The following FRMPD4 variants were observed in gnomAD, a reference collection of about 807,000 sequenced individuals.
FRMPD4 encodes FERM and PDZ domain-containing protein 4.
In FRMPD4, 22 loss-of-function variants were observed where a neutral mutation model predicts 94.1. The observed-to-expected ratio is 0.23, with a 90% CI of 0.17 to 0.33. The LOEUF (loss-of-function observed/expected upper bound fraction) is 0.33, where lower values mean the gene tolerates loss of function less well. FRMPD4 is among the 10% of genes least tolerant of loss of function. FRMPD4 has a pLI of 1.00. For synonymous variants in FRMPD4, 631 were observed against 548.6 expected (o/e 1.15, Z -2.10); for missense variants, 1,111 against 1,339.9 (o/e 0.83, Z 2.67).
chrX:12,542,257 A>G (rs377641843), intron 2 of FRMPD4, among the ~76,000 whole-genome samples: 1 of 111,991 alleles, frequency 8.9e-6, no homozygotes, highest in South Asian at 3.7e-4. Context: ...GGCAGCAGAA[A>G]GAAATAAAGG....
At chrX:12,025,529 C>T (rs1000121970) in intron 3 of FRMPD4, among the ~76,000 whole-genome samples, 3 of 112,027 alleles carry the variant, frequency 2.7e-5, no homozygotes, top group African/African-American at 6.5e-5. Context: ...CCCTTGTGTA[C>T]AGACTGGACT....
chrX:12,155,581 CAAAAAAAAAAAAAAA>C, intron 1 of FRMPD4, among the ~76,000 whole-genome samples: 1 of 21,920 alleles, frequency 4.6e-5, no homozygotes, highest in South Asian at 4.3e-3. Flanking sequence ...CATATCCTCA[CAAAAAAAAAAAAAAA>C]AAAAAAAAAA....
chrX:12,040,892 T>C (rs2054751108), intron 3 of FRMPD4, among the ~76,000 whole-genome samples: 2 of 110,989 alleles, frequency 1.8e-5, no homozygotes, highest in South Asian at 7.6e-4. Flanking sequence ...CCTCTATTGC[T>C]CCTTTACTGC....
At chrX:12,543,789 T>G (rs1407555160) in intron 2 of FRMPD4, among the ~76,000 whole-genome samples, 1 of 109,238 alleles carries the variant, frequency 9.2e-6, no homozygotes, top group East Asian at 2.8e-4. Context: ...CATGCACACG[T>G]ATGTTTATTG....
chrX:12,552,503 A>T (rs920083406), intron 2 of FRMPD4, among the ~76,000 whole-genome samples: 1 of 111,891 alleles, frequency 8.9e-6, no homozygotes, highest in Non-Finnish European at 1.9e-5. Flanking sequence ...AAATGGTTAA[A>T]TATATTTTGC....
At chrX:12,401,426 G>A (rs2056607454) in intron 1 of FRMPD4, among the ~76,000 whole-genome samples, 1 of 110,740 alleles carries the variant, frequency 9.0e-6, no homozygotes, top group Non-Finnish European at 1.9e-5. Context: ...GCTCTTGGAA[G>A]GTTGAGTGAG....
At chrX:11,929,984 T>C (rs1207293328) in intron 3 of FRMPD4, among the ~76,000 whole-genome samples, 1 of 107,019 alleles carries the variant, frequency 9.3e-6, no homozygotes, top group African/African-American at 3.4e-5. Flanking sequence ...GGCATGTGCC[T>C]GTAGTCCCAG....
chrX:12,641,842 G>A (rs1025976037), intron 4 of FRMPD4, among the ~76,000 whole-genome samples: 1 of 112,386 alleles, frequency 8.9e-6, no homozygotes, highest in African/African-American at 3.2e-5. Flanking sequence ...CTAGGGTGAT[G>A]GATCACCAGC....
intron 1 of FRMPD4, among the ~76,000 whole-genome samples, chrX:12,397,898 C>T (rs901319708): frequency 1.8e-5 from 2 of 111,299 alleles, no homozygotes; most frequent in East Asian, 2.8e-4. Flanking sequence ...TCTGCTACAT[C>T]CCCAGGAACT....
Position 12,334,761 on chromosome X carries a change from G to A in FRMPD4, c.42-163919G>A, listed in dbSNP as rs748314816. 2.7e-5 allele frequency among the ~76,000 whole-genome samples: 3 copies of A among 111,535 alleles called. No individual in the cohort carries two copies. The South Asian group carries it at 1.1e-3, about 43-fold the overall frequency. ...TATGTGCCCACTGTACTGTGAGAATGGATGAGACATAGGACCTGCCCCAAG... is the reference window on the plus strand; with the variant it reads ...TATGTGCCCACTGTACTGTGAGAATAGATGAGACATAGGACCTGCCCCAAG... On this transcript the variant is annotated intron_variant, in intron 1 of 16. Transcript: ENST00000675598.
intron 1 of FRMPD4, among the ~76,000 whole-genome samples, chrX:11,850,023 A>G (rs1405280189): frequency 2.7e-5 from 3 of 112,238 alleles, no homozygotes; most frequent in Non-Finnish European, 3.8e-5. Flanking sequence ...TTTTCAAATC[A>G]TATATCTGAT....
At chrX:11,830,569 A>T (rs1423982300) in intron 1 of FRMPD4, among the ~76,000 whole-genome samples, 2 of 112,136 alleles carry the variant, frequency 1.8e-5, no homozygotes, top group African/African-American at 6.5e-5. Context: ...CCTAATTTAC[A>T]TCTACTCATT....
At position 12,468,357 on chromosome X, in the gene FRMPD4, GAGA is replaced by G. The variant is rs2057471544; in HGVS notation, c.42-30322_42-30320del. 7.1e-5 allele frequency among the ~76,000 whole-genome samples: 8 copies of G among 112,076 alleles called. No homozygotes were observed. In the South Asian group the frequency reaches 1.9e-3, roughly 26 times the overall value. ...AAGTATTTTTGAAGAGAACACAAAA[GAGA>G]TACCATGCAAAGGCAGCAAAAACTA... On this transcript the variant is annotated intron_variant, in intron 1 of 16. Transcript: ENST00000675598.
chrX:12,164,922 T>G (rs1484125272), intron 1 of FRMPD4, among the ~76,000 whole-genome samples: 2 of 112,478 alleles, frequency 1.8e-5, no homozygotes, highest in Non-Finnish European at 3.8e-5. Context: ...TAAATTTGTT[T>G]AAGTTCTTTG....
chrX:11,836,156 G>C (rs906893941), intron 1 of FRMPD4, among the ~76,000 whole-genome samples: 1 of 111,238 alleles, frequency 9.0e-6, no homozygotes, highest in Admixed American at 9.6e-5. Flanking sequence ...TTTCCTCTTG[G>C]TGATTGCTGT....
chrX:12,305,447 A>C (rs899140939), intron 1 of FRMPD4, among the ~76,000 whole-genome samples: 1 of 111,846 alleles, frequency 8.9e-6, no homozygotes, highest in Non-Finnish European at 1.9e-5. Flanking sequence ...TTGTCCCTAG[A>C]TGGCAAAGGT....
intron 1 of FRMPD4, among the ~76,000 whole-genome samples, chrX:12,270,723 C>A (rs1322450509): frequency 9.0e-6 from 1 of 111,639 alleles, no homozygotes; most frequent in African/African-American, 3.3e-5. Flanking sequence ...ATCGTATTCA[C>A]TTACCCATCG....
At chrX:12,083,149 C>T (rs941298032) in intron 3 of FRMPD4, among the ~76,000 whole-genome samples, 1 of 112,671 alleles carries the variant, frequency 8.9e-6, no homozygotes, top group East Asian at 2.8e-4. Flanking sequence ...CCATCACAGG[C>T]CTGGAGGCCC....
intron 1 of FRMPD4, among the ~76,000 whole-genome samples, chrX:11,865,068 G>T (rs1170031051): frequency 9.0e-6 from 1 of 111,565 alleles, no homozygotes; most frequent in South Asian, 3.7e-4. Context: ...GTCAAACCAG[G>T]TATCATTTTT....
Sources: allele counts gnomAD v4.1 joint callset (sites outside exome capture counted in the v4.1 genomes callset), GRCh38; gene constraint gnomAD v4.1.1; transcripts MANE v1.5; gene names NCBI Gene and HGNC (gene_info 2026-07-23, HGNC 2026-07-21).